UROD: variants seen among roughly 807,000 people sequenced by gnomAD.
UROD encodes the protein uroporphyrinogen decarboxylase, also known as uroporphyrinogen III decarboxylase.
Under a neutral mutation model 47.1 loss-of-function variants are expected in UROD, and 34 were observed. That is an observed-to-expected ratio of 0.72 (90% CI 0.55 to 0.96). The LOEUF is 0.96. Among genes scored for constraint, UROD ranks in the 40% least tolerant of loss-of-function variants. The pLI, the probability that UROD is intolerant of heterozygous loss-of-function variation, is 0.00. For synonymous variants in UROD, 148 were observed against 175.8 expected, an observed-to-expected ratio of 0.84 and a Z score of 1.25; for missense variants, 381 against 471.8, an observed-to-expected ratio of 0.81 and a Z score of 1.78.
At position 45,013,016 on chromosome 1, in the gene UROD, C is replaced by G; in HGVS notation, c.130C>G (p.Pro44Ala). 1 of 1,614,016 alleles carries G rather than the reference C, an allele frequency of 6.2e-7. No individual in the cohort carries two copies. The highest frequency in any genetic ancestry group is 1.6e-4 in the Middle Eastern group (1 of 6,062). The change falls in exon 2 of 10, where the codon CCA (proline) becomes GCA (alanine). Residue 44 changes from proline to alanine, a missense_variant. Physicochemically the swap from Pro to Ala is conservative, Grantham distance 27. Coordinates refer to ENST00000246337, the MANE Select transcript of UROD (RefSeq NM_000374.5). This position sits in a 1 kb window ranked among gnomAD's most constrained non-coding sequence, Gnocchi z 4.2. ...CATGCGCCAGGCAGGCCGTTACTTA[C>G]CAGGTAAGAGTCAGGGTCTGGAAAT... ...WCMRQAGRYL[P>A]EFRETRAAQD...
chr1:45,012,581 T>G, intron 1 of UROD: 1 of 611,848 alleles, frequency 1.6e-6, no homozygotes, highest in Non-Finnish European at 2.8e-6. Flanking sequence ...CCCAGTGACA[T>G]TCCCGTTTCT....
rs763727883 is a variant in UROD, at chr1:45,014,982, C to A, written c.918C>A (p.Asp306Glu). ...GKTVTLQGNL[D>E]PCALYASEEE... ...CGGTGACATTGCAGGGCAACCTGGA[C>A]CCCTGTGCCTTGTATGCATCTGAGG... The change falls in exon 9 of 10, where the codon GAC becomes GAA. Residue 306 changes from aspartate (D) to glutamate (E), a missense_variant. Coordinates refer to ENST00000246337, the MANE Select transcript of UROD (RefSeq NM_000374.5). 1 of 1,614,000 alleles carries A rather than the reference C, an allele frequency of 6.2e-7. No individual in the cohort carries two copies. The highest frequency in any genetic ancestry group is 8.5e-7 in the Non-Finnish European group (1 of 1,180,040).
Position 45,014,785 on chromosome 1 carries a change from C to T in UROD, c.824C>T (p.Ala275Val), listed in dbSNP as rs1293633980. The change falls in exon 8 of 10, where the codon GCT becomes GTT. Residue 275 changes from alanine (A) to valine (V), a missense_variant. Coordinates refer to ENST00000246337, the MANE Select transcript of UROD (RefSeq NM_000374.5). ...GHFALEELAQ[A>V]GYEVVGLDWT... ...TTTGCCCTGGAGGAGCTGGCCCAAG[C>T]TGGCTATGAGGTGGTTGGGCTTGAC... 2 of 1,614,252 alleles carry T rather than the reference C, an allele frequency of 1.2e-6. No individual in the cohort carries two copies. Among genetic ancestry groups the T allele is most frequent in the Non-Finnish European group, 1.7e-6 (2 of 1,180,050 alleles).
chr1:45,014,638 T>C, intron 7 of UROD, 62 bp downstream of exon 7: 1 of 1,613,708 alleles, frequency 6.2e-7, no homozygotes, highest in Non-Finnish European at 8.5e-7. Context: ...AAGTCCTGCA[T>C]GGACTGGAGT....
In UROD at chr1:45,014,538, GC is replaced by G; in HGVS notation, c.738del (p.Arg247GlyfsTer12). 1 of 1,614,198 alleles carries G rather than the reference GC, an allele frequency of 6.2e-7. No homozygotes were observed. Among genetic ancestry groups the G allele is most frequent in the Non-Finnish European group, 8.5e-7 (1 of 1,180,030 alleles). On this transcript the variant is annotated frameshift_variant, in exon 7 of 10. Transcript: ENST00000246337. LOFTEE classifies it high-confidence loss of function. ...YIRDVAKQVK[A>X]RLREAGLAPV... ...CCGTGATGTGGCCAAGCAAGTGAAG[GC>G]CAGGTTGCGGGAGGCAGGCCTGGCA...
intron 9 of UROD, 27 bp downstream of exon 9, chr1:45,015,033 C>G (rs748432502): frequency 1.2e-6 from 2 of 1,612,680 alleles, no homozygotes; most frequent in Middle Eastern, 2.0e-4. Context: ...CTCTGTGTGT[C>G]TGTTACTGTG....
At chr1:45,014,859 C>A in intron 8 of UROD, 23 bp downstream of exon 8, 2 of 1,614,098 alleles carry the variant, frequency 1.2e-6, no homozygotes, top group Middle Eastern at 1.6e-4. Context: ...AGGGTGAGGC[C>A]TTGAGGTTGA....
chr1:45,014,662 C>A (rs947188127), intron 7 of UROD, 74 bp from the exon 8 acceptor site: 3 of 1,613,266 alleles, frequency 1.9e-6, no homozygotes, highest in African/African-American at 2.7e-5. Context: ...CACTGGAGGG[C>A]AGCAGAAGTA....
chr1:45,015,113 A>G (rs1644839063), intron 9 of UROD, 107 bp downstream of exon 9: 4 of 1,556,644 alleles, frequency 2.6e-6, no homozygotes, highest in Non-Finnish European at 3.5e-6. Flanking sequence ...CTTTTCTTCT[A>G]CTCTGTACAA....
rs143823335 is a variant in UROD, at chr1:45,014,012, G to C, written c.578G>C (p.Arg193Pro). Residue 193 changes from arginine to proline, a missense_variant, in exon 6 of 10, where the codon CGC becomes CCC. Coordinates refer to ENST00000246337, the MANE Select transcript of UROD (RefSeq NM_000374.5). ...QRPQASHQLL[R>P]ILTDALVPYL... ...CCTCAGGCTAGTCACCAGCTGCTTC[G>C]CATCCTCACTGATGCTCTGGTCCCA... 1.2e-6 allele frequency: 2 copies of C among 1,614,210 alleles called. No homozygotes were observed. Among genetic ancestry groups the C allele is most frequent in the Non-Finnish European group, 1.7e-6 (2 of 1,180,032 alleles).
At chr1:45,014,363 A>T (rs1292779385) in intron 6 of UROD, 76 bp from the exon 7 acceptor site, 11 of 1,610,250 alleles carry the variant, frequency 6.8e-6, no homozygotes, top group African/African-American at 1.3e-5. Context: ...TTTGGGGAAA[A>T]TTGAGGTGGA....
At chr1:45,012,706 G>T (rs1644811985) in intron 1 of UROD, 3 of 1,074,894 alleles carry the variant, frequency 2.8e-6, no homozygotes, top group South Asian at 3.2e-5. Context: ...GAGGGAAGAG[G>T]CCCCAGGGCG....
chr1:45,013,946 C>G lies in UROD; in HGVS notation c.512C>G (p.Ser171Ter). ...ACATACATGGTTGAGGGTGGTGGCTCAAGCACCATGGCTCAGGCCAAGCGC... is the reference window on the plus strand; with the variant it reads ...ACATACATGGTTGAGGGTGGTGGCTGAAGCACCATGGCTCAGGCCAAGCGC... ...LMTYMVEGGG[S>*]STMAQAKRWL... The change falls in exon 6 of 10, where the codon TCA (serine) becomes TGA (stop). Residue 171 changes from serine to a stop codon, truncating the protein, a stop_gained. Transcript: ENST00000246337. LOFTEE classifies it high-confidence loss of function. The surrounding 1 kb of genome is among the most constrained non-coding windows in gnomAD (Gnocchi z 4.2). 1 of 1,614,228 alleles carries G rather than the reference C, an allele frequency of 6.2e-7. No individual in the cohort carries two copies. Among genetic ancestry groups the G allele is most frequent in the Non-Finnish European group, 8.5e-7 (1 of 1,180,052 alleles).
chr1:45,014,125 G>A (rs1208817355), intron 6 of UROD, 55 bp downstream of exon 6: 13 of 1,611,930 alleles, frequency 8.1e-6, no homozygotes, highest in Non-Finnish European at 1.1e-5. Context: ...AGGACCAGAA[G>A]CAAGAGTGTC....
At position 45,014,178 on chromosome 1, in the gene UROD, A is replaced by G. The variant is rs928095712; in HGVS notation, c.636+108A>G. 6.5e-6 allele frequency: 10 copies of G among 1,550,158 alleles called. No individual in the cohort carries two copies. In the African/African-American group the frequency reaches 1.4e-4, roughly 21 times the overall value. ...GGGGTCTTAATGCCAGGGATGAAAG[A>G]ACCTTGGCCTCCAGTGATCTAGCGG... is the stretch of plus-strand genomic sequence containing the variant. On this transcript the variant is annotated intron_variant, in intron 6 of 9. Coordinates refer to ENST00000246337, the MANE Select transcript of UROD (RefSeq NM_000374.5).
At chr1:45,015,186 C>A in intron 9 of UROD, 151 bp from the exon 10 acceptor site, 2 of 1,421,972 alleles carry the variant, frequency 1.4e-6, no homozygotes, top group Non-Finnish European at 1.9e-6. Flanking sequence ...TGCTTCATGC[C>A]TGGGTCCATA....
chr1:45,012,909 C>A lies in UROD; in HGVS notation c.23C>A (p.Pro8His). 1 of 1,613,770 alleles carries A rather than the reference C, an allele frequency of 6.2e-7. No individual in the cohort carries two copies. The highest frequency in any genetic ancestry group is 8.5e-7 in the Non-Finnish European group (1 of 1,179,886). Residue 8 changes from proline to histidine, a missense_variant and splice_region_variant, in exon 2 of 10, where the codon CCT becomes CAT. By Grantham distance (77) the Pro-to-His change is moderately conservative. Transcript: ENST00000246337. Reference sequence around the variant, plus strand: ...CCCCACCCCCACCTGATCGCCAGACCTCAGGGTTTTCCGGAGCTGAAGAAT... The same window carrying A: ...CCCCACCCCCACCTGATCGCCAGACATCAGGGTTTTCCGGAGCTGAAGAAT... MEANGLG[P>H]QGFPELKNDT...
chr1:45,012,868 G>A lies in UROD; in HGVS notation c.21-39G>A, dbSNP rs777780712. 13 of 1,611,888 alleles carry A rather than the reference G, an allele frequency of 8.1e-6. No individual in the cohort carries two copies. The East Asian group carries it at 1.1e-4, about 14-fold the overall frequency. ...CGCGCTTTCCCCAGCCTCCAGCGTA[G>A]CATACTGACACCTACCCCCACCCCC... On this transcript the variant is annotated intron_variant, in intron 1 of 9. Coordinates refer to ENST00000246337, the MANE Select transcript of UROD (RefSeq NM_000374.5).
Position 45,013,587 on chromosome 1 carries a change from C to G in UROD, c.277-7C>G, listed in dbSNP as rs1339493183. 5 of 1,614,014 alleles carry G rather than the reference C, an allele frequency of 3.1e-6. No homozygotes were observed. Among genetic ancestry groups the G allele is most frequent in the African/African-American group, 1.3e-5 (1 of 74,918 alleles). ...TTTGGGAACCCAGATGTTTTCTCCC[C>G]CTCCAGGCACTGGGCATGGAGGTGA... On this transcript the variant is annotated splice_region_variant and splice_polypyrimidine_tract_variant and intron_variant, in intron 4 of 9. Coordinates refer to ENST00000246337, the MANE Select transcript of UROD (RefSeq NM_000374.5). This position sits in a 1 kb window ranked among gnomAD's most constrained non-coding sequence, Gnocchi z 4.2.
Sources: gnomAD v4.1 joint callset for allele counts on GRCh38, gnomAD v4.1.1 for gene constraint, Gnocchi (gnomAD v3.1) non-coding constraint, MANE v1.5 for transcripts, NCBI Gene and HGNC (gene_info 2026-07-23, HGNC 2026-07-21) for gene names.